DNAL1: variants seen among roughly 807,000 people sequenced by gnomAD.
DNAL1 encodes the protein chromosome 14 open reading frame 168.
A neutral mutation model predicts 29.4 loss-of-function variants in DNAL1; 17 were observed. The observed-to-expected ratio is 0.58, with a 90% CI of 0.40 to 0.87. DNAL1 has a LOEUF of 0.87. DNAL1 is among the 40% of genes least tolerant of loss of function. The probability of loss-of-function intolerance (pLI) is 0.00; values close to 1 mark genes in which losing one functional copy is unlikely to be tolerated. For synonymous variants in DNAL1, 78 were observed against 76.3 expected (o/e 1.02, Z -0.12); for missense variants, 188 against 214.1 (o/e 0.88, Z 0.76).
At chr14:73,679,820 ATACTC>A (rs1891834967) in intron 5 of DNAL1, among the ~76,000 whole-genome samples, 1 of 151,304 alleles carries the variant, frequency 6.6e-6, no homozygotes, top group Non-Finnish European at 1.5e-5. Context: ...TTTTAAGTCT[ATACTC>A]TTAATTCATC....
At chr14:73,669,240 C>T (rs956822210) in intron 4 of DNAL1, among the ~76,000 whole-genome samples, 16 of 151,938 alleles carry the variant, frequency 1.1e-4, no homozygotes, top group African/African-American at 3.9e-4. Context: ...GCCTCAGCCT[C>T]CCTGAGTAGC....
intron 5 of DNAL1, among the ~76,000 whole-genome samples, chr14:73,683,366 A>G (rs1450055440): frequency 6.6e-6 from 1 of 152,176 alleles, no homozygotes; most frequent in Non-Finnish European, 1.5e-5. Context: ...CACAAACTTG[A>G]ATGCCTTGTG....
intron 4 of DNAL1, among the ~76,000 whole-genome samples, chr14:73,666,783 C>T (rs1025973094): frequency 6.6e-5 from 10 of 152,130 alleles, no homozygotes; most frequent in Non-Finnish European, 1.2e-4. Flanking sequence ...GTTGATGAAT[C>T]AGCGTATTTT....
At chr14:73,669,724 C>G (rs1891573646) in intron 4 of DNAL1, among the ~76,000 whole-genome samples, 1 of 152,122 alleles carries the variant, frequency 6.6e-6, no homozygotes, top group African/African-American at 2.4e-5. Context: ...GCTACAATGC[C>G]TGGCCCAATT....
chr14:73,678,864 A>G (rs1350143239), intron 5 of DNAL1, among the ~76,000 whole-genome samples: 1 of 152,214 alleles, frequency 6.6e-6, no homozygotes, highest in African/African-American at 2.4e-5. Context: ...ATAATTTGCA[A>G]GATATATGAA....
intron 1 of DNAL1, among the ~76,000 whole-genome samples, chr14:73,648,419 TG>T (rs1489357566): frequency 2.3e-5 from 3 of 129,036 alleles, no homozygotes; most frequent in South Asian, 5.1e-4. Flanking sequence ...TATATATATT[TG>T]TTGTTTGTTT....
intron 5 of DNAL1, among the ~76,000 whole-genome samples, chr14:73,676,009 G>C (rs1315929367): frequency 6.6e-6 from 1 of 151,858 alleles, no homozygotes. Flanking sequence ...GTGAGACTTT[G>C]TCTCGATAAA....
At position 73,654,847 on chromosome 14, in the gene DNAL1, G is replaced by T; in HGVS notation, c.4G>T (p.Ala2Ser). ...TTCTTTCTTTTTTTTTTTTTTAAAG[G>T]CGAAAGCAACAACAATCAAAGAAGC... MAKATTIKEALA... is the reference protein window; with the variant it reads MSKATTIKEALA... Residue 2 changes from alanine to serine, a missense_variant and splice_region_variant, in exon 2 of 8, where the codon GCG becomes TCG. Coordinates refer to ENST00000553645, the MANE Select transcript of DNAL1 (RefSeq NM_031427.4). 6.6e-7 allele frequency: 1 copy of T among 1,514,818 alleles called. No individual in the cohort carries two copies. The highest frequency in any genetic ancestry group is 8.8e-7 in the Non-Finnish European group (1 of 1,136,890). 93.8% of individuals were successfully genotyped at this position (1,514,818 alleles called of 1,614,324 possible).
chr14:73,691,779 C>T (rs982832756), intron 7 of DNAL1, among the ~76,000 whole-genome samples: 9 of 151,522 alleles, frequency 5.9e-5, no homozygotes, highest in African/African-American at 1.7e-4. Context: ...CTGCAACCTC[C>T]GCCTCCCGGG....
At chr14:73,682,884 T>A (rs942168184) in intron 5 of DNAL1, among the ~76,000 whole-genome samples, 3 of 149,656 alleles carry the variant, frequency 2.0e-5, no homozygotes, top group Non-Finnish European at 4.5e-5. Context: ...TTTTTTTTTT[T>A]TTTTTTTTTT....
intron 5 of DNAL1, among the ~76,000 whole-genome samples, chr14:73,675,717 C>A (rs1245264140): frequency 6.6e-6 from 1 of 151,994 alleles, no homozygotes; most frequent in Non-Finnish European, 1.5e-5. Flanking sequence ...AGTTACACAA[C>A]TATTAAGTTA....
rs540166441 is a variant in DNAL1 at position 73,681,220 on chromosome 14, G to A, written c.265-6039G>A. On this transcript the variant is annotated intron_variant, in intron 5 of 7. Transcript: ENST00000553645. ...ACCCTGTCGGCTCACTGCAACCTCC[G>A]TCTCCTGGGTTCAAGCAATTCTCTT... Among the ~76,000 whole-genome samples, 46 of 150,944 alleles carry A rather than the reference G, an allele frequency of 3.0e-4. No individual in the cohort carries two copies. The South Asian group carries it at 9.0e-3, about 29-fold the overall frequency.
chr14:73,701,443 A>G lies in DNAL1; in HGVS notation c.*5501A>G, dbSNP rs1045786108. ...TTTTTCCCTACTTGAGTCGTCTTCCATGTCTGTTACATCCAAGATCATCCC... is the reference window on the plus strand; with the variant it reads ...TTTTTCCCTACTTGAGTCGTCTTCCGTGTCTGTTACATCCAAGATCATCCC... On this transcript the variant is annotated 3_prime_UTR_variant, in exon 8 of 8. Coordinates refer to ENST00000553645, the MANE Select transcript of DNAL1 (RefSeq NM_031427.4). 6 of 152,364 alleles carry G rather than the reference A, an allele frequency of 3.9e-5. No homozygotes were observed. The highest frequency in any genetic ancestry group is 3.9e-4 in the Admixed American group (6 of 15,310). 9.4% of individuals were successfully genotyped at this position (152,364 alleles called of 1,614,324 possible).
chr14:73,660,747 CATG>C (rs2140032697), intron 3 of DNAL1, among the ~76,000 whole-genome samples: 1 of 152,234 alleles, frequency 6.6e-6, no homozygotes, highest in African/African-American at 2.4e-5. Context: ...TGGCATCAGG[CATG>C]ATTTCAAAGT....
At chr14:73,679,689 T>A (rs981377512) in intron 5 of DNAL1, among the ~76,000 whole-genome samples, 1 of 152,246 alleles carries the variant, frequency 6.6e-6, no homozygotes, top group Non-Finnish European at 1.5e-5. Flanking sequence ...TTATTCGTGG[T>A]TACCAAATGG....
chr14:73,650,493 G>T (rs922787546), intron 1 of DNAL1, among the ~76,000 whole-genome samples: 3 of 152,040 alleles, frequency 2.0e-5, no homozygotes, highest in African/African-American at 7.2e-5. Context: ...TTTGTTCATT[G>T]ATATACCTAA....
intron 1 of DNAL1, among the ~76,000 whole-genome samples, chr14:73,648,098 C>A (rs966474002): frequency 2.0e-5 from 3 of 152,026 alleles, no homozygotes; most frequent in Non-Finnish European, 1.5e-5. Context: ...CTGCTTCAGC[C>A]TCCCGAGTAG....
Position 73,687,386 on chromosome 14 carries a change from GT to G in DNAL1, c.391+2del. On this transcript the variant is annotated splice_donor_variant, in intron 6 of 7. Coordinates refer to ENST00000553645, the MANE Select transcript of DNAL1 (RefSeq NM_031427.4). LOFTEE classifies it high-confidence loss of function. Reference sequence around the variant, plus strand: ...TCTAATAACCTGGTAAAAGACTGGGGTAAGCTGAGAGTGGCCCTTTGCTAAC... The same window carrying G: ...TCTAATAACCTGGTAAAAGACTGGGGAAGCTGAGAGTGGCCCTTTGCTAAC... The G allele has an allele frequency of 6.3e-7, 1 of 1,591,370 alleles. No individual in the cohort carries two copies. Among genetic ancestry groups the G allele is most frequent in the Non-Finnish European group, 8.6e-7 (1 of 1,169,012 alleles).
chr14:73,669,063 G>C (rs2140040151), intron 4 of DNAL1, among the ~76,000 whole-genome samples: 1 of 152,178 alleles, frequency 6.6e-6, no homozygotes, highest in East Asian at 1.9e-4. Context: ...TTGGATTAGG[G>C]CCCATCCAAA....
Sources: allele counts gnomAD v4.1 joint callset (sites outside exome capture counted in the v4.1 genomes callset), GRCh38; gene constraint gnomAD v4.1.1; transcripts MANE v1.5; gene names NCBI Gene and HGNC (gene_info 2026-07-23, HGNC 2026-07-21).